Variants in ARHGAP15 observed in about 807,000 individuals in gnomAD.
The protein encoded by ARHGAP15 is Rho GTPase activating protein 15.
A neutral mutation model predicts 63.7 loss-of-function variants in ARHGAP15; 51 were observed. The observed-to-expected ratio is 0.80, with a 90% confidence interval of 0.64 to 1.01. The LOEUF is 1.01. Ranked by LOEUF, ARHGAP15 falls within the 50% of genes least tolerant of loss-of-function variation. ARHGAP15 has a pLI of 0.00. For synonymous variants in ARHGAP15, 191 were observed against 193.8 expected, an observed-to-expected ratio of 0.99 and a Z score of 0.12; for missense variants, 560 against 564.6, an observed-to-expected ratio of 0.99 and a Z score of 0.08.
At chr2:143,502,195 GGTCAGGA>G (rs758449622) in intron 9 of ARHGAP15, among the ~76,000 whole-genome samples, 3 of 152,042 alleles carry the variant, frequency 2.0e-5, no homozygotes, top group Non-Finnish European at 4.4e-5. Context: ...GATCATCTGA[GGTCAGGA>G]GTTCAAGATC....
intron 6 of ARHGAP15, among the ~76,000 whole-genome samples, chr2:143,356,231 C>T (rs1368880012): frequency 6.6e-6 from 1 of 152,150 alleles, no homozygotes; most frequent in Non-Finnish European, 1.5e-5. Context: ...GTCGTCAAAA[C>T]ATGACCTTTA....
At chr2:143,670,160 C>T (rs1682443926) in intron 12 of ARHGAP15, among the ~76,000 whole-genome samples, 1 of 152,172 alleles carries the variant, frequency 6.6e-6, no homozygotes, top group African/African-American at 2.4e-5. Context: ...AAAGCTCTTG[C>T]TGCTTCTCAA....
At chr2:143,587,712 T>A (rs1329049113) in intron 11 of ARHGAP15, 1 of 470,310 alleles carries the variant, frequency 2.1e-6, no homozygotes, top group Admixed American at 2.4e-5. Context: ...AGCCCTTCTA[T>A]CAGAACTGGA....
chr2:143,403,121 G>A (rs1205597508), intron 6 of ARHGAP15, among the ~76,000 whole-genome samples: 1 of 151,808 alleles, frequency 6.6e-6, no homozygotes, highest in African/African-American at 2.4e-5. Flanking sequence ...TCAGTTGGCT[G>A]AAATATTATA....
chr2:143,607,998 T>C, intron 11 of ARHGAP15: 1 of 152,156 alleles, frequency 6.6e-6, no homozygotes, highest in East Asian at 1.9e-4. Context: ...TGTTTTCTCC[T>C]CTGTGGATAG....
chr2:143,330,406 G>A (rs890464035), intron 6 of ARHGAP15, among the ~76,000 whole-genome samples: 2 of 151,946 alleles, frequency 1.3e-5, no homozygotes, highest in Non-Finnish European at 2.9e-5. Flanking sequence ...AATTTCTCAA[G>A]TGGCACTGTA....
chr2:143,308,242 T>C (rs549011958), intron 6 of ARHGAP15, among the ~76,000 whole-genome samples: 87 of 149,940 alleles, frequency 5.8e-4, no homozygotes, highest in Middle Eastern at 6.8e-3. Context: ...TAAGTAAATT[T>C]CTGTCTTAGA....
chr2:143,751,040 C>T (rs1222779575), intron 13 of ARHGAP15, among the ~76,000 whole-genome samples: 1 of 152,112 alleles, frequency 6.6e-6, no homozygotes, highest in Non-Finnish European at 1.5e-5. Context: ...TCTCTGACTC[C>T]CCAGAGCTCA....
intron 13 of ARHGAP15, among the ~76,000 whole-genome samples, chr2:143,747,639 C>A (rs952859743): frequency 1.3e-5 from 2 of 152,096 alleles, no homozygotes; most frequent in Admixed American, 1.3e-4. Flanking sequence ...TAGTATACAG[C>A]GATTTTAGAT....
chr2:143,179,884 A>G (rs968539244), intron 2 of ARHGAP15, among the ~76,000 whole-genome samples: 3 of 107,744 alleles, frequency 2.8e-5, no homozygotes, highest in African/African-American at 6.7e-5. Flanking sequence ...AAAGTGAGAC[A>G]TTGTCTCAAA....
At chr2:143,584,382 T>C (rs1291437154) in intron 11 of ARHGAP15, among the ~76,000 whole-genome samples, 1 of 152,108 alleles carries the variant, frequency 6.6e-6, no homozygotes, top group Non-Finnish European at 1.5e-5. Context: ...TATCAGCACT[T>C]TGGGAGGCCA....
intron 3 of ARHGAP15, among the ~76,000 whole-genome samples, chr2:143,208,842 C>T (rs1303161864): frequency 6.6e-6 from 1 of 152,060 alleles, no homozygotes; most frequent in Non-Finnish European, 1.5e-5. Flanking sequence ...TTTTTATCAA[C>T]AGAGTGTAAG....
chr2:143,397,437 A>G (rs563210719), intron 6 of ARHGAP15, among the ~76,000 whole-genome samples: 1 of 151,732 alleles, frequency 6.6e-6, no homozygotes, highest in African/African-American at 2.4e-5. Flanking sequence ...ACAATTTTTT[A>G]TGTAATTTTA....
chr2:143,415,044 G>T (rs1302339216), intron 6 of ARHGAP15, among the ~76,000 whole-genome samples: 1 of 152,218 alleles, frequency 6.6e-6, no homozygotes, highest in Non-Finnish European at 1.5e-5. Context: ...TGATCATGAT[G>T]ATGGTAGGAT....
At chr2:143,387,350 A>AAG (rs1422929499) in intron 6 of ARHGAP15, among the ~76,000 whole-genome samples, 1 of 152,186 alleles carries the variant, frequency 6.6e-6, no homozygotes, top group African/African-American at 2.4e-5. Flanking sequence ...ATTAAACAGA[A>AAG]TGTAAGAGTC....
chr2:143,632,773 A>G (rs915016919), intron 12 of ARHGAP15, among the ~76,000 whole-genome samples: 2 of 152,212 alleles, frequency 1.3e-5, no homozygotes, highest in South Asian at 2.1e-4. Context: ...TACTCTCAAT[A>G]GGTAATTGTG....
chr2:143,400,233 T>C (rs1213470580), intron 6 of ARHGAP15, among the ~76,000 whole-genome samples: 4 of 152,050 alleles, frequency 2.6e-5, no homozygotes, highest in African/African-American at 9.7e-5. Context: ...GGGTTACAGA[T>C]TTTATCATAT....
At chr2:143,293,567 G>T (rs1002485156) in intron 6 of ARHGAP15, among the ~76,000 whole-genome samples, 35 of 151,918 alleles carry the variant, frequency 2.3e-4, no homozygotes, top group Admixed American at 2.3e-3. Flanking sequence ...TTTCGGCAGA[G>T]GATAGATTAA....
chr2:143,522,080 A>G (rs1694083313), intron 10 of ARHGAP15: 2 of 152,220 alleles, frequency 1.3e-5, no homozygotes, highest in South Asian at 4.1e-4. Context: ...GTAAAGTGAT[A>G]TTAGTTACAT....
Sources: allele counts gnomAD v4.1 joint callset (sites outside exome capture counted in the v4.1 genomes callset), GRCh38; gene constraint gnomAD v4.1.1; transcripts MANE v1.5; gene names NCBI Gene and HGNC (gene_info 2026-07-23, HGNC 2026-07-21).